MEIS3: variants seen among roughly 807,000 people sequenced by gnomAD.
MEIS3 encodes the protein homeobox protein Meis3.
A neutral mutation model predicts 51.4 loss-of-function variants in MEIS3; 38 were observed. The ratio of observed to expected loss-of-function variants is 0.74; its 90% CI spans 0.57 to 0.97. MEIS3 has a LOEUF of 0.97. Among genes scored for constraint, MEIS3 ranks in the 50% least tolerant of loss-of-function variants. The pLI, the probability that MEIS3 is intolerant of heterozygous loss-of-function variation, is 0.00. For synonymous variants in MEIS3, 198 were observed against 201.8 expected (o/e 0.98, Z 0.16); for missense variants, 456 against 502.6 (o/e 0.91, Z 0.89).
chr19:47,411,478 C>T (rs1444007793), intron 6 of MEIS3, among the ~76,000 whole-genome samples: 2 of 151,702 alleles, frequency 1.3e-5, no homozygotes, highest in Non-Finnish European at 2.9e-5. Flanking sequence ...TTTGAAGTTT[C>T]AGAGATTCTG....
rs905094429 is a variant in MEIS3, at chr19:47,403,179, A to AG, written c.*391dup. ...AAAGAAGAAATTAGAGAAGGGAGGT[A>AG]GGGGGGACAGGAGAGTGAAGGAATC... On this transcript the variant is annotated 3_prime_UTR_variant, in exon 13 of 13. Coordinates refer to ENST00000558555, the MANE Select transcript of MEIS3 (RefSeq NM_001301059.2). 3 of 238,332 alleles carry AG rather than the reference A, an allele frequency of 1.3e-5. No individual in the cohort carries two copies. Among genetic ancestry groups the AG allele is most frequent in the Admixed American group, 5.3e-5 (1 of 18,980 alleles). The allele number at this position is 238,332 out of a possible 1,614,324, so 14.8% of individuals were successfully genotyped here.
At chr19:47,411,049 GCCTCAGTCT>G (rs1971108523) in intron 6 of MEIS3, among the ~76,000 whole-genome samples, 1 of 152,040 alleles carries the variant, frequency 6.6e-6, no homozygotes, top group South Asian at 2.1e-4. Context: ...TGATTCTCAT[GCCTCAGTCT>G]CCCGAGTAGC....
chr19:47,412,643 C>T (rs946479519), intron 6 of MEIS3, among the ~76,000 whole-genome samples: 2 of 152,106 alleles, frequency 1.3e-5, no homozygotes, highest in African/African-American at 2.4e-5. Context: ...CTCACTGCAA[C>T]CTTCGCCTCC....
intron 6 of MEIS3, 77 bp downstream of exon 6, chr19:47,414,640 G>A: frequency 6.7e-7 from 1 of 1,498,054 alleles, no homozygotes. Context: ...AGGCTGTGTA[G>A]TGCACATGCG....
chr19:47,407,863 A>C (rs1970927239), intron 8 of MEIS3, among the ~76,000 whole-genome samples: 1 of 152,170 alleles, frequency 6.6e-6, no homozygotes. Flanking sequence ...GCTGGAATGC[A>C]GTGGCGCGAT....
At chr19:47,407,549 C>A (rs1200095760) in intron 8 of MEIS3, 121 bp from the exon 9 acceptor site, 1 of 1,575,818 alleles carries the variant, frequency 6.3e-7, no homozygotes, top group South Asian at 1.1e-5. Flanking sequence ...CTGGGAGAAC[C>A]GGCGCTTCTG....
intron 1 of MEIS3, chr19:47,417,848 C>G: frequency 1.6e-6 from 1 of 610,490 alleles, no homozygotes. Context: ...CGTGAATCTA[C>G]CACACATGTA....
chr19:47,416,718 G>A lies in MEIS3; in HGVS notation c.346-16C>T. 3 of 1,601,202 alleles carry A rather than the reference G, an allele frequency of 1.9e-6. No individual in the cohort carries two copies. The highest frequency in any genetic ancestry group is 2.6e-6 in the Non-Finnish European group (3 of 1,173,926). ...CAGAGCGAACCTGGGAGGGAAGAGAGAGGCCGGCAGGGGGATGTCCCGCCT... is the reference window on the plus strand; with the variant it reads ...CAGAGCGAACCTGGGAGGGAAGAGAAAGGCCGGCAGGGGGATGTCCCGCCT... On this transcript the variant is annotated splice_polypyrimidine_tract_variant and intron_variant, in intron 3 of 12. Transcript: ENST00000558555.
At position 47,419,182 on chromosome 19, in the gene MEIS3, C is replaced by T. The variant is rs1328927773; in HGVS notation, c.-101G>A. 4 of 888,928 alleles carry T rather than the reference C, an allele frequency of 4.5e-6. No individual in the cohort carries two copies. In the East Asian group the frequency reaches 1.4e-4, roughly 30 times the overall value. 55.1% of individuals were successfully genotyped at this position (888,928 alleles called of 1,614,324 possible). On this transcript the variant is annotated 5_prime_UTR_variant, in exon 1 of 13. Transcript: ENST00000558555. ...CCCTGACGGCCCGCGGTGTTGACGC[C>T]AGGGGGTGGGCAGGAGGCCAGGCGC...
intron 6 of MEIS3, among the ~76,000 whole-genome samples, chr19:47,414,471 G>A (rs1971292217): frequency 6.6e-6 from 1 of 152,156 alleles, no homozygotes; most frequent in African/African-American, 2.4e-5. Context: ...GACCTGTGTG[G>A]GTGTAGCTGA....
chr19:47,405,261 C>T (rs919839566), intron 12 of MEIS3, among the ~76,000 whole-genome samples: 1 of 152,146 alleles, frequency 6.6e-6, no homozygotes, highest in Middle Eastern at 3.2e-3. Context: ...GCCATCATAC[C>T]AGGCCACAGA....
chr19:47,417,979 T>C, intron 1 of MEIS3: 1 of 465,776 alleles, frequency 2.1e-6, no homozygotes, highest in South Asian at 3.7e-5. Context: ...CAAGAATGAA[T>C]GCATGATTGA....
At chr19:47,412,647 C>T (rs1050155809) in intron 6 of MEIS3, among the ~76,000 whole-genome samples, 3 of 152,082 alleles carry the variant, frequency 2.0e-5, no homozygotes, top group South Asian at 2.1e-4. Flanking sequence ...CTGCAACCTT[C>T]GCCTCCCGGG....
rs1000559046 is a variant in MEIS3 at position 47,405,770 on chromosome 19, G to A, written c.*17+690C>T. On this transcript the variant is annotated intron_variant, in intron 12 of 12. Transcript: ENST00000558555. The stretch of plus-strand genomic sequence containing the variant: ...TTACCATGTTGGCCAGGCTGGTCTC[G>A]AACTTCTGACCTCAGGTGATCCACC... Among the ~76,000 whole-genome samples, 3 of 151,874 alleles carry A rather than the reference G, an allele frequency of 2.0e-5. No individual in the cohort carries two copies. The East Asian group carries it at 5.8e-4, about 29-fold the overall frequency.
At chr19:47,417,407 A>AGCTT in intron 1 of MEIS3, 57 bp from the exon 2 acceptor site, 1 of 1,598,448 alleles carries the variant, frequency 6.3e-7, no homozygotes, top group Non-Finnish European at 8.6e-7. Context: ...GCACCCCGAG[A>AGCTT]CTCGGCTGAG....
At position 47,403,511 on chromosome 19, in the gene MEIS3, C is replaced by T; in HGVS notation, c.*60G>A. ...TGAAGCTGGAGGACCAGGCGGGAAC[C>T]AGAGGCAGGTGTGAGGCTGGGGGTC... On this transcript the variant is annotated 3_prime_UTR_variant, in exon 13 of 13. Transcript: ENST00000558555. The T allele has an allele frequency of 2.2e-6, 1 of 455,886 alleles. No individual in the cohort carries two copies. Among genetic ancestry groups the T allele is most frequent in the Non-Finnish European group, 4.4e-6 (1 of 226,662 alleles). 28.2% of individuals were successfully genotyped at this position (455,886 alleles called of 1,614,324 possible).
chr19:47,420,759 A>C (rs113132444), upstream of MEIS3, among the ~76,000 whole-genome samples: 6,499 of 148,788 alleles, frequency 0.044, 476 homozygotes, highest in African/African-American at 0.15. Context: ...GTGGGAGAGA[A>C]ATTGATTGGG....
chr19:47,411,963 C>T (rs1971156173), intron 6 of MEIS3, among the ~76,000 whole-genome samples: 1 of 152,086 alleles, frequency 6.6e-6, no homozygotes, highest in African/African-American at 2.4e-5. Context: ...CCCGCCTCAG[C>T]CTCCCAAGTA....
chr19:47,418,816 G>A (rs973185416), intron 1 of MEIS3: 2 of 381,096 alleles, frequency 5.2e-6, no homozygotes, highest in Non-Finnish European at 9.3e-6. Flanking sequence ...CAGACAGAGG[G>A]GGACAGAGGG....
Sources: allele counts gnomAD v4.1 joint callset (sites outside exome capture counted in the v4.1 genomes callset), GRCh38; gene constraint gnomAD v4.1.1; transcripts MANE v1.5; gene names NCBI Gene and HGNC (gene_info 2026-07-23, HGNC 2026-07-21).